Variants in VEZF1 observed in about 807,000 individuals in gnomAD.
VEZF1 encodes putative transcription factor DB1.
In VEZF1, 5 loss-of-function variants were observed where a neutral mutation model predicts 44.1. That is an observed-to-expected ratio of 0.11 (90% CI 0.06 to 0.24). VEZF1 has a LOEUF of 0.24. VEZF1 is among the 10% of genes least tolerant of loss of function. The pLI is 1.00. For missense variants in VEZF1, 358 were observed against 641.8 expected (o/e 0.56, Z 4.78); for synonymous variants, 236 against 233.1 (o/e 1.01, Z -0.11).
In VEZF1 at chr17:57,974,675, G is replaced by A; in HGVS notation, c.1364C>T (p.Thr455Ile). 1 of 1,614,102 alleles carries A rather than the reference G, an allele frequency of 6.2e-7. No homozygotes were observed. The highest frequency in any genetic ancestry group is 8.5e-7 in the Non-Finnish European group (1 of 1,180,020). Reference sequence around the variant, plus strand: ...TGGGGTAGTGAGTGTTAAAGGAGAGGTCATGGATAATGGACTGGTTATAGT... The same window carrying A: ...TGGGGTAGTGAGTGTTAAAGGAGAGATCATGGATAATGGACTGGTTATAGT... Reference protein sequence around the residue: ...PVTITSPLSMTSPLTLTTPVN... With the variant: ...PVTITSPLSMISPLTLTTPVN... The change falls in exon 6 of 6, where the codon ACC becomes ATC. Residue 455 changes from threonine to isoleucine, a missense_variant. Transcript: ENST00000581208.
At position 57,979,204 on chromosome 17, in the gene VEZF1, C is replaced by T; in HGVS notation, c.1086G>A (p.Lys362=). ...QQQHVTSWPG[K]QVETLRLWEE... ...CCCACAGTCTCAGTGTTTCTACTTG[C>T]TTCCCTGGCCAGCTTGTCACATGTT... Residue 362 remains lysine (K), a synonymous_variant, in exon 5 of 6, where the codon AAG becomes AAA. Coordinates refer to ENST00000581208, the MANE Select transcript of VEZF1 (RefSeq NM_007146.3). 1.9e-6 allele frequency: 3 copies of T among 1,613,932 alleles called. No individual in the cohort carries two copies. Among genetic ancestry groups the T allele is most frequent in the Admixed American group, 3.3e-5 (2 of 60,018 alleles).
chr17:57,983,577 G>A (rs1198291991), intron 1 of VEZF1, among the ~76,000 whole-genome samples, 184 bp from the exon 2 acceptor site: 1 of 152,176 alleles, frequency 6.6e-6, no homozygotes, highest in Non-Finnish European at 1.5e-5. Flanking sequence ...AAAAATCACT[G>A]TGCAGACACA....
rs1014117307 is a variant in VEZF1 at position 57,981,739 on chromosome 17, G to A, written c.792+134C>T. On this transcript the variant is annotated intron_variant, in intron 3 of 5. Coordinates refer to ENST00000581208, the MANE Select transcript of VEZF1 (RefSeq NM_007146.3). ...CTGTCAGTTATATTTTATAAAACTA[G>A]AAGTCAAATGGGCCACATTTACTCA... 3 of 626,934 alleles carry A rather than the reference G, an allele frequency of 4.8e-6. No individual in the cohort carries two copies. In the African/African-American group the frequency reaches 5.7e-5, roughly 12 times the overall value. The allele number at this position is 626,934 out of a possible 1,614,324, so 38.8% of individuals were successfully genotyped here. A position where few individuals can be genotyped will look rare whatever the true frequency, so the allele number is the denominator to read the frequency against.
chr17:57,979,440 T>G, intron 4 of VEZF1, 127 bp from the exon 5 acceptor site: 1 of 1,410,244 alleles, frequency 7.1e-7, no homozygotes, highest in South Asian at 1.5e-5. Context: ...TAAGTGCATC[T>G]TTTTTGCTGC....
chr17:57,984,552 A>G (rs2075278550), intron 1 of VEZF1, among the ~76,000 whole-genome samples: 1 of 152,212 alleles, frequency 6.6e-6, no homozygotes, highest in East Asian at 1.9e-4. Context: ...GGAGTTTCAA[A>G]TATTTTAAGC....
intron 5 of VEZF1, among the ~76,000 whole-genome samples, chr17:57,976,875 T>G (rs1220565987): frequency 6.6e-6 from 1 of 152,074 alleles, no homozygotes. Context: ...TTGCTGAGGA[T>G]ATTCTCCACC....
At chr17:57,979,385 T>C in intron 4 of VEZF1, 72 bp from the exon 5 acceptor site, 1 of 1,586,546 alleles carries the variant, frequency 6.3e-7, no homozygotes, top group Admixed American at 1.7e-5. Flanking sequence ...AAAATTGACT[T>C]CTCATGCTTC....
intron 1 of VEZF1, 148 bp from the exon 2 acceptor site, chr17:57,983,541 C>G: frequency 1.4e-6 from 1 of 703,332 alleles, no homozygotes; most frequent in East Asian, 2.7e-5. Flanking sequence ...CCTAGTTACT[C>G]TAAGAGCTCA....
In VEZF1 at chr17:57,980,898, T is replaced by G. The variant is rs1212299954; in HGVS notation, c.793-112A>C. The G allele has an allele frequency of 2.9e-6, 3 of 1,045,558 alleles. No homozygotes were observed. In the East Asian group the frequency reaches 7.8e-5, roughly 27 times the overall value. 64.8% of individuals were successfully genotyped at this position (1,045,558 alleles called of 1,614,324 possible). On this transcript the variant is annotated intron_variant, in intron 3 of 5. Transcript: ENST00000581208. ...TCCACATCAGCAAGCTGACAACTAG[T>G]TGAATTTTAATTGCATATGTTACCT...
At chr17:57,984,247 G>A (rs2075276072) in intron 1 of VEZF1, among the ~76,000 whole-genome samples, 1 of 152,084 alleles carries the variant, frequency 6.6e-6, no homozygotes. Flanking sequence ...CTCTTATGAT[G>A]TGCTTCTCCA....
At chr17:57,982,222 A>G (rs1305252438) in intron 2 of VEZF1, among the ~76,000 whole-genome samples, 1 of 152,262 alleles carries the variant, frequency 6.6e-6, no homozygotes, top group African/African-American at 2.4e-5. Flanking sequence ...CACTTGCCAG[A>G]AACAGCTACC....
rs1181710684 is a variant in VEZF1 at position 57,974,806 on chromosome 17, A to G, written c.1233T>C (p.Thr411=). The G allele has an allele frequency of 6.2e-7, 1 of 1,614,066 alleles. No homozygotes were observed. The highest frequency in any genetic ancestry group is 8.5e-7 in the Non-Finnish European group (1 of 1,180,028). The part of the protein sequence containing the change: ...FSITSSVSSG[T]MSNPVTVAAA... ...CTGCCACTGTGACTGGGTTTGACAT[A>G]GTCCCAGACGACACAGAGGATGTTA... Residue 411 remains threonine (T), a synonymous_variant, in exon 6 of 6, where the codon ACT becomes ACC. Coordinates refer to ENST00000581208, the MANE Select transcript of VEZF1 (RefSeq NM_007146.3).
chr17:57,983,517 T>C, intron 1 of VEZF1, 124 bp from the exon 2 acceptor site: 1 of 807,582 alleles, frequency 1.2e-6, no homozygotes, highest in South Asian at 1.8e-5. Context: ...TCTGCAGTGG[T>C]AATCCAGCAA....
chr17:57,981,401 C>T (rs1459622722), intron 3 of VEZF1, among the ~76,000 whole-genome samples: 1 of 152,118 alleles, frequency 6.6e-6, no homozygotes, highest in African/African-American at 2.4e-5. Context: ...CAAATAAAAT[C>T]ATTAACTGGA....
chr17:57,980,100 A>C (rs1412021261), intron 4 of VEZF1, among the ~76,000 whole-genome samples: 1 of 152,174 alleles, frequency 6.6e-6, no homozygotes, highest in Non-Finnish European at 1.5e-5. Context: ...TGGATAGATT[A>C]ACACACATTA....
Position 57,971,878 on chromosome 17 carries a change from T to A in VEZF1, c.*2595A>T, listed in dbSNP as rs2075139214. On this transcript the variant is annotated 3_prime_UTR_variant, in exon 6 of 6. Transcript: ENST00000581208. ...CCTTTTCGTAGAGCAGTGGCTGTCG[T>A]GCCTTCAACACCTGGTTGAATCAGT... The A allele has an allele frequency of 1.3e-5, 2 of 152,632 alleles. No individual in the cohort carries two copies. The highest frequency in any genetic ancestry group is 2.1e-4 in the South Asian group (1 of 4,828). The allele number at this position is 152,632 out of a possible 1,614,324, so 9.5% of individuals were successfully genotyped here.
At position 57,974,620 on chromosome 17, in the gene VEZF1, T is replaced by C. The variant is rs1183559675; in HGVS notation, c.1419A>G (p.Pro473=). ...TGGTGACAGGGTGTGCTATATTCAC[T>C]GGGGCAGTGACGGGGGTGGGGAGGT... The part of the protein sequence containing the change: ...PVNLPTPVTA[P]VNIAHPVTIT... The change falls in exon 6 of 6, where the codon CCA becomes CCG. Residue 473 remains proline (P), a synonymous_variant. Coordinates refer to ENST00000581208, the MANE Select transcript of VEZF1 (RefSeq NM_007146.3). 6.2e-7 allele frequency: 1 copy of C among 1,613,910 alleles called. No homozygotes were observed. Among genetic ancestry groups the C allele is most frequent in the Non-Finnish European group, 8.5e-7 (1 of 1,179,996 alleles).
At chr17:57,980,474 C>T (rs2075238805) in intron 4 of VEZF1, 129 bp downstream of exon 4, 4 of 839,750 alleles carry the variant, frequency 4.8e-6, no homozygotes, top group African/African-American at 1.7e-5. Context: ...TCCATTGTTG[C>T]CTGTTTGCAC....
intron 1 of VEZF1, among the ~76,000 whole-genome samples, chr17:57,984,937 T>TA (rs2075281812): frequency 6.6e-6 from 1 of 152,248 alleles, no homozygotes; most frequent in South Asian, 2.1e-4. Flanking sequence ...CCTAGCAAAT[T>TA]ACAGTCCGCT....
Sources: gnomAD v4.1 joint callset for allele counts (sites outside exome capture counted in the v4.1 genomes callset) on GRCh38, gnomAD v4.1.1 for gene constraint, MANE v1.5 for transcripts, NCBI Gene and HGNC (gene_info 2026-07-23, HGNC 2026-07-21) for gene names.